SNCAIP: variants seen among roughly 807,000 people sequenced by gnomAD.
The protein encoded by SNCAIP is synphilin-1.
A neutral mutation model predicts 86.7 loss-of-function variants in SNCAIP; 43 were observed. The ratio of observed to expected loss-of-function variants is 0.50; its 90% confidence interval spans 0.39 to 0.64. SNCAIP has a LOEUF of 0.64. SNCAIP is among the 30% of genes least tolerant of loss of function. The pLI, the probability that SNCAIP is intolerant of heterozygous loss-of-function variation, is 0.00. For missense variants in SNCAIP, 981 were observed against 1,103.1 expected (o/e 0.89, Z 1.57); for synonymous variants, 417 against 427.2 (o/e 0.98, Z 0.29).
At chr5:122,354,806 A>C (rs574112566) in intron 1 of SNCAIP, among the ~76,000 whole-genome samples, 15 of 152,300 alleles carry the variant, frequency 9.8e-5, no homozygotes, top group African/African-American at 3.4e-4. Flanking sequence ...ATTCATATTA[A>C]AGCATAGTAC....
chr5:122,398,363 A>C (rs567252012), intron 2 of SNCAIP, among the ~76,000 whole-genome samples: 1 of 152,268 alleles, frequency 6.6e-6, no homozygotes, highest in South Asian at 2.1e-4. Flanking sequence ...GCCATGTCCC[A>C]AGGGAAGGGA....
intron 8 of SNCAIP, 22 bp downstream of exon 8, chr5:122,444,754 T>G (rs771431681): frequency 9.4e-6 from 15 of 1,598,024 alleles, no homozygotes; most frequent in African/African-American, 2.7e-5. Flanking sequence ...GTTGGTTCCA[T>G]GAGAACCAAG....
chr5:122,313,193 G>C (rs1239923180), intron 1 of SNCAIP, among the ~76,000 whole-genome samples: 1 of 152,230 alleles, frequency 6.6e-6, no homozygotes, highest in African/African-American at 2.4e-5. Context: ...TGCTTTCCTT[G>C]GGAAAGTTAA....
chr5:122,323,504 C>A (rs571801667), intron 1 of SNCAIP: 1 of 152,152 alleles, frequency 6.6e-6, no homozygotes, highest in African/African-American at 2.4e-5. Context: ...CATTTCATGC[C>A]GTGGAAGTCC....
chr5:122,323,166 A>G (rs1412233107), intron 1 of SNCAIP, among the ~76,000 whole-genome samples: 1 of 152,214 alleles, frequency 6.6e-6, no homozygotes, highest in African/African-American at 2.4e-5. Flanking sequence ...AGAGAAGAGC[A>G]GTCATATCAA....
At chr5:122,398,516 CTTTG>C (rs1771100890) in intron 2 of SNCAIP, among the ~76,000 whole-genome samples, 2 of 152,130 alleles carry the variant, frequency 1.3e-5, no homozygotes, top group African/African-American at 4.8e-5. Flanking sequence ...TCACTCCCAG[CTTTG>C]TTTGTACACA....
chr5:122,387,359 T>C (rs1372103507), intron 1 of SNCAIP, among the ~76,000 whole-genome samples: 1 of 152,046 alleles, frequency 6.6e-6, no homozygotes, highest in Non-Finnish European at 1.5e-5. Flanking sequence ...GGGGTTTCAT[T>C]GTGTTAGCCA....
At chr5:122,352,856 T>G (rs1028298664) in intron 1 of SNCAIP, among the ~76,000 whole-genome samples, 2 of 152,070 alleles carry the variant, frequency 1.3e-5, no homozygotes, top group Non-Finnish European at 2.9e-5. Context: ...ACAAGAAACT[T>G]GAATAAAAAA....
intron 1 of SNCAIP, among the ~76,000 whole-genome samples, chr5:122,358,764 T>A (rs557234116): frequency 6.6e-6 from 1 of 152,222 alleles, no homozygotes; most frequent in South Asian, 2.1e-4. Flanking sequence ...CCCTATATCA[T>A]ACCGGATTGG....
At chr5:122,401,919 G>T (rs1561674426) in intron 2 of SNCAIP, among the ~76,000 whole-genome samples, 2 of 152,202 alleles carry the variant, frequency 1.3e-5, no homozygotes, top group Non-Finnish European at 2.9e-5. Context: ...TTTGGGGTGG[G>T]AGATGGCAGT....
At chr5:122,460,020 C>T (rs184413581) in intron 10 of SNCAIP, among the ~76,000 whole-genome samples, 87 of 152,210 alleles carry the variant, frequency 5.7e-4, no homozygotes, top group Middle Eastern at 6.8e-3. Context: ...AATGATAGCA[C>T]TTATAAACAC....
chr5:122,396,441 T>G (rs1770639210), intron 2 of SNCAIP, among the ~76,000 whole-genome samples: 1 of 152,162 alleles, frequency 6.6e-6, no homozygotes, highest in Non-Finnish European at 1.5e-5. Flanking sequence ...TTTTTTTAAA[T>G]TTTCCCTTTT....
intron 3 of SNCAIP, among the ~76,000 whole-genome samples, 153 bp from the exon 4 acceptor site, chr5:122,422,715 A>AT (rs151183587): frequency 0.013 from 1,913 of 152,016 alleles, 45 homozygotes; most frequent in African/African-American, 0.043. Flanking sequence ...GGTAAGTATG[A>AT]TTTTTTTTGT....
At chr5:122,393,535 G>A (rs995205355) in intron 2 of SNCAIP, among the ~76,000 whole-genome samples, 87 of 152,118 alleles carry the variant, frequency 5.7e-4, no homozygotes, top group African/African-American at 2.0e-3. Context: ...TCACATCAGG[G>A]GCAATTTTAC....
intron 2 of SNCAIP, chr5:122,400,953 C>G (rs1272116552): frequency 6.6e-7 from 1 of 1,525,500 alleles, no homozygotes; most frequent in Non-Finnish European, 8.8e-7. Context: ...TCTTCATTAA[C>G]TGCAAGCCCC....
chr5:122,374,687 G>A (rs1764935969), intron 1 of SNCAIP, among the ~76,000 whole-genome samples: 1 of 152,044 alleles, frequency 6.6e-6, no homozygotes, highest in Non-Finnish European at 1.5e-5. Flanking sequence ...CACAACATTT[G>A]TTATTTAAGA....
chr5:122,397,429 T>A (rs1183003359), intron 2 of SNCAIP, among the ~76,000 whole-genome samples: 3 of 152,176 alleles, frequency 2.0e-5, no homozygotes, highest in Non-Finnish European at 2.9e-5. Context: ...GAGTAGTTCC[T>A]GATGCACTCT....
chr5:122,391,159 T>G lies in SNCAIP; in HGVS notation c.25T>G (p.Leu9Val), dbSNP rs28655310. 3 of 1,611,520 alleles carry G rather than the reference T, an allele frequency of 1.9e-6. No homozygotes were observed. The highest frequency in any genetic ancestry group is 2.5e-6 in the Non-Finnish European group (3 of 1,177,652). The change falls in exon 2 of 11, where the codon TTG becomes GTG. Residue 9 changes from leucine (L) to valine (V), a missense_variant. Physicochemically the swap from Leu to Val is conservative, Grantham distance 32 (BLOSUM62 1). Coordinates refer to ENST00000261368, the MANE Select transcript of SNCAIP (RefSeq NM_005460.4). The stretch of plus-strand genomic sequence containing the variant: ...AATGGAAGCCCCTGAATACCTTGAT[T>G]TGGATGAAATTGACTTTAGTGATGA... MEAPEYLDLDEIDFSDDIS... is the reference protein window; with the variant it reads MEAPEYLDVDEIDFSDDIS...
At chr5:122,452,808 A>G (rs1783972599) in intron 10 of SNCAIP, 1 of 682,550 alleles carries the variant, frequency 1.5e-6, no homozygotes, top group Admixed American at 2.1e-5. Context: ...TAAAGTGCAT[A>G]CTAAGCCACT....
Sources: allele counts gnomAD v4.1 joint callset (sites outside exome capture counted in the v4.1 genomes callset), GRCh38; gene constraint gnomAD v4.1.1; transcripts MANE v1.5; gene names NCBI Gene and HGNC (gene_info 2026-07-23, HGNC 2026-07-21).